The following COPS9 variants were observed in gnomAD, a reference collection of about 807,000 sequenced individuals.
The protein encoded by COPS9 is COP9 signalosome complex subunit 9.
A neutral mutation model predicts 7.2 loss-of-function variants in COPS9; 8 were observed. The observed-to-expected ratio is 1.11, with a 90% CI of 0.65 to 2.00. The LOEUF (loss-of-function observed/expected upper bound fraction) is 2.00, where lower values mean the gene tolerates loss of function less well. COPS9 is among the 30% of genes most tolerant of loss of function. COPS9 has a pLI of 0.00. For missense variants in COPS9, 74 were observed against 77.7 expected (o/e 0.95, Z 0.18); for synonymous variants, 39 against 28.7 (o/e 1.36, Z -1.14).
downstream of COPS9, chr2:240,126,985 T>G: frequency 1.3e-6 from 2 of 1,589,422 alleles, no homozygotes; most frequent in Non-Finnish European, 1.7e-6. Context: ...CGAGGTCTGG[T>G]AGGTTTGCCT....
downstream of COPS9, chr2:240,130,742 G>T: frequency 8.5e-7 from 1 of 1,175,032 alleles, no homozygotes; most frequent in Non-Finnish European, 1.1e-6. Context: ...ACAGATGCAC[G>T]CACATGCATG....
chr2:240,133,407 A>G (rs909979302), intron 2 of COPS9, among the ~76,000 whole-genome samples: 3 of 152,240 alleles, frequency 2.0e-5, no homozygotes, highest in African/African-American at 7.2e-5. Flanking sequence ...GGTAACTAGC[A>G]CTGAAGCCCT....
intron 1 of COPS9, 97 bp from the exon 2 acceptor site, chr2:240,134,102 T>C (rs1351379011): frequency 1.8e-6 from 2 of 1,118,182 alleles, no homozygotes; most frequent in East Asian, 2.4e-5. Context: ...AAAAAGAAGA[T>C]GGGTGAGGGG....
intron 2 of COPS9, among the ~76,000 whole-genome samples, chr2:240,131,416 C>T (rs1574947223): frequency 6.6e-6 from 1 of 152,198 alleles, no homozygotes; most frequent in South Asian, 2.1e-4. Context: ...CGTGTCTGCA[C>T]CCACGAGTGC....
At chr2:240,126,663 G>A, downstream of COPS9, 1 of 1,614,210 alleles carries the variant, frequency 6.2e-7, no homozygotes, top group Non-Finnish European at 8.5e-7. Flanking sequence ...CCTCCAGTGA[G>A]TAGAAACTGA....
rs1049103275 is a variant in COPS9, at chr2:240,132,235, G to A, written c.137-1147C>T. 2.6e-5 allele frequency among the ~76,000 whole-genome samples: 4 copies of A among 152,328 alleles called. No homozygotes were observed. Among genetic ancestry groups the A allele is most frequent in the African/African-American group, 9.6e-5 (4 of 41,574 alleles). On this transcript the variant is annotated intron_variant, in intron 2 of 2. Coordinates refer to ENST00000607357, the MANE Select transcript of COPS9 (RefSeq NM_001163424.2). This position sits in a 1 kb window ranked among gnomAD's most constrained non-coding sequence, Gnocchi z 4.1. ...TGGACCCACAATTTTGTAAGACATGGCGAGGGAAGAGAGAGTGTCTCTTTC... is the reference window on the plus strand; with the variant it reads ...TGGACCCACAATTTTGTAAGACATGACGAGGGAAGAGAGAGTGTCTCTTTC...
At chr2:240,128,703 C>T (rs75240830), downstream of COPS9, among the ~76,000 whole-genome samples, 1,425 of 152,244 alleles carry the variant, frequency 9.4e-3, 11 homozygotes, top group Non-Finnish European at 0.014. Flanking sequence ...AGTTTTGCCA[C>T]GGGAGTGACC....
At chr2:240,135,908 A>T in intron 1 of COPS9, 1 of 404,174 alleles carries the variant, frequency 2.5e-6, no homozygotes, top group Non-Finnish European at 4.4e-6. Flanking sequence ...ATCGAAGAGC[A>T]GCAAACGCAA....
In COPS9 at chr2:240,132,499, C is replaced by G. The variant is rs1387375124; in HGVS notation, c.137-1411G>C. Among the ~76,000 whole-genome samples the G allele has an allele frequency of 6.6e-5, 10 of 152,180 alleles. No homozygotes were observed. In the East Asian group the frequency reaches 1.9e-3, roughly 29 times the overall value. ...GTCCCCTCCCTGACCGGCCGTGGCT[C>G]AAAGGCAGACACGCGCCCACAATGC... On this transcript the variant is annotated intron_variant, in intron 2 of 2. Transcript: ENST00000607357. The surrounding 1 kb of genome is among the most constrained non-coding windows in gnomAD (Gnocchi z 4.1).
At chr2:240,135,302 TC>T (rs1429206071) in intron 1 of COPS9, among the ~76,000 whole-genome samples, 1 of 151,856 alleles carries the variant, frequency 6.6e-6, no homozygotes, top group Non-Finnish European at 1.5e-5. Flanking sequence ...GGCCACAGAG[TC>T]GACTCCTCAG....
downstream of COPS9, among the ~76,000 whole-genome samples, chr2:240,130,290 GC>G (rs1327751014): frequency 6.6e-6 from 1 of 152,176 alleles, no homozygotes; most frequent in Non-Finnish European, 1.5e-5. Context: ...GCGTCTCCTG[GC>G]CTGAGAAACA....
At chr2:240,129,894 A>G (rs200965577), downstream of COPS9, 122 of 1,594,842 alleles carry the variant, frequency 7.6e-5, no homozygotes, top group Non-Finnish European at 1.0e-4. Flanking sequence ...ACCTTCTTAC[A>G]GAGATGCACT....
At chr2:240,130,812 G>C (rs2071914259), downstream of COPS9, 2 of 1,384,340 alleles carry the variant, frequency 1.4e-6, no homozygotes, top group African/African-American at 1.5e-5. Flanking sequence ...GTGCAAGAAA[G>C]AGATCACTCC....
downstream of COPS9, chr2:240,129,870 G>A (rs778208007): frequency 3.2e-6 from 5 of 1,552,162 alleles, no homozygotes; most frequent in African/African-American, 1.4e-5. Context: ...GCCTCAACGT[G>A]CGGCCCAGTG....
rs1450533587 is a variant in COPS9 at position 240,132,086 on chromosome 2, C to A, written c.137-998G>T. Among the ~76,000 whole-genome samples the A allele has an allele frequency of 1.3e-5, 2 of 152,214 alleles. No individual in the cohort carries two copies. Among genetic ancestry groups the A allele is most frequent in the East Asian group, 3.9e-4 (2 of 5,190 alleles). On this transcript the variant is annotated intron_variant, in intron 2 of 2. Transcript: ENST00000607357. The surrounding 1 kb of genome is among the most constrained non-coding windows in gnomAD (Gnocchi z 4.1). ...AGTCCTGGGCCTGGCTGACTCCACA[C>A]CTTCCGACCTCTGCTCTGCTGCCCC...
intron 2 of COPS9, among the ~76,000 whole-genome samples, chr2:240,133,642 G>A (rs1574948507): frequency 3.9e-5 from 6 of 152,358 alleles, no homozygotes; most frequent in Admixed American, 3.3e-4. Flanking sequence ...CCTGGCTACA[G>A]TCTGAGGTGT....
Position 240,132,191 on chromosome 2 carries a change from C to T in COPS9, c.137-1103G>A, listed in dbSNP as rs2106556111. Among the ~76,000 whole-genome samples, 1 of 152,290 alleles carries T rather than the reference C, an allele frequency of 6.6e-6. No individual in the cohort carries two copies. Among genetic ancestry groups the T allele is most frequent in the South Asian group, 2.1e-4 (1 of 4,828 alleles). ...GCCAGGGCTCTTGTCACAGTCCAGCCCCTGCCTGCTGACTTGTCTGGACCC... is the reference window on the plus strand; with the variant it reads ...GCCAGGGCTCTTGTCACAGTCCAGCTCCTGCCTGCTGACTTGTCTGGACCC... On this transcript the variant is annotated intron_variant, in intron 2 of 2. Transcript: ENST00000607357. This position sits in a 1 kb window ranked among gnomAD's most constrained non-coding sequence, Gnocchi z 4.1.
At chr2:240,129,496 C>A (rs1486732889), downstream of COPS9, among the ~76,000 whole-genome samples, 1 of 152,144 alleles carries the variant, frequency 6.6e-6, no homozygotes, top group African/African-American at 2.4e-5. Flanking sequence ...TCAGCAGGAG[C>A]CTGCAGCTCG....
Position 240,132,511 on chromosome 2 carries a change from C to T in COPS9, c.136+1422G>A, listed in dbSNP as rs905910581. 7.9e-5 allele frequency among the ~76,000 whole-genome samples: 12 copies of T among 152,282 alleles called. No homozygotes were observed. Among genetic ancestry groups the T allele is most frequent in the East Asian group, 1.9e-4 (1 of 5,158 alleles). On this transcript the variant is annotated intron_variant, in intron 2 of 2. Coordinates refer to ENST00000607357, the MANE Select transcript of COPS9 (RefSeq NM_001163424.2). The surrounding 1 kb of genome is among the most constrained non-coding windows in gnomAD (Gnocchi z 4.1). ...ACCGGCCGTGGCTCAAAGGCAGACA[C>T]GCGCCCACAATGCTCAGGTTGCTGG...
Sources: gnomAD v4.1 joint callset for allele counts (sites outside exome capture counted in the v4.1 genomes callset) on GRCh38, gnomAD v4.1.1 for gene constraint, Gnocchi (gnomAD v3.1) non-coding constraint, MANE v1.5 for transcripts, NCBI Gene and HGNC (gene_info 2026-07-23, HGNC 2026-07-21) for gene names.